FBXO34: variants seen among roughly 807,000 people sequenced by gnomAD.
FBXO34 encodes F-box protein 34, also known as F-box only protein 34.
Under a neutral mutation model 24.5 loss-of-function variants are expected in FBXO34, and 12 were observed. The ratio of observed to expected loss-of-function variants is 0.49; its 90% confidence interval spans 0.31 to 0.79. FBXO34 has a LOEUF of 0.79. Ranked by LOEUF, FBXO34 falls within the 30% of genes least tolerant of loss-of-function variation. The pLI is 0.04. For missense variants in FBXO34, 823 were observed against 857.7 expected, an observed-to-expected ratio of 0.96 and a Z score of 0.51; for synonymous variants, 320 against 311.9, an observed-to-expected ratio of 1.03 and a Z score of -0.27.
intron 1 of FBXO34, among the ~76,000 whole-genome samples, chr14:55,303,128 C>CTTT (rs3084453): frequency 2.0e-5 from 3 of 147,748 alleles, no homozygotes; most frequent in Non-Finnish European, 3.0e-5. Context: ...CTTTACAGGC[C>CTTT]TTTTTTTTTT....
chr14:55,294,442 A>G (rs1882052407), intron 1 of FBXO34, among the ~76,000 whole-genome samples: 1 of 152,078 alleles, frequency 6.6e-6, no homozygotes, highest in South Asian at 2.1e-4. Flanking sequence ...CGCACACCAC[A>G]GGGTTTTGCC....
chr14:55,442,018 C>G, the FBXO34 span, among the ~76,000 whole-genome samples: 4 of 151,820 alleles, frequency 2.6e-5, no homozygotes, highest in Non-Finnish European at 4.4e-5. Flanking sequence ...CTGCCTTGGC[C>G]TCCCAAAGTG....
the FBXO34 span, among the ~76,000 whole-genome samples, chr14:55,390,157 G>C: frequency 3.1e-4 from 47 of 152,146 alleles, no homozygotes; most frequent in African/African-American, 1.2e-4. Flanking sequence ...CGCAATCTCC[G>C]CCTCCCAGGT....
chr14:55,350,406 T>C lies in FBXO34; in HGVS notation c.16T>C (p.Tyr6His). Residue 6 changes from tyrosine (Y) to histidine (H), a missense_variant, in exon 2 of 2, where the codon TAT becomes CAT. Physicochemically the swap from Tyr to His is moderately conservative, Grantham distance 83 (BLOSUM62 2). Transcript: ENST00000313833. MHLKPYWKLQKKEHPP... is the reference protein window; with the variant it reads MHLKPHWKLQKKEHPP... Reference sequence around the variant, plus strand: ...GGGCTTTGTTATGCACCTAAAGCCATATTGGAAGCTCCAGAAGAAAGAGCA... The same window carrying C: ...GGGCTTTGTTATGCACCTAAAGCCACATTGGAAGCTCCAGAAGAAAGAGCA... 1 of 1,583,322 alleles carries C rather than the reference T, an allele frequency of 6.3e-7. No homozygotes were observed. Among genetic ancestry groups the C allele is most frequent in the South Asian group, 1.2e-5 (1 of 86,082 alleles).
the FBXO34 span, chr14:55,414,204 G>A: frequency 7.1e-6 from 4 of 567,264 alleles, no homozygotes; most frequent in Non-Finnish European, 1.2e-5. Context: ...AACACAAAAG[G>A]AGTCATTTTG....
At chr14:55,416,317 C>T in the FBXO34 span, among the ~76,000 whole-genome samples, 3 of 152,084 alleles carry the variant, frequency 2.0e-5, no homozygotes. Context: ...TAAGGGCAGG[C>T]ATGGTGGCTC....
the FBXO34 span, chr14:55,436,651 G>T: frequency 6.2e-7 from 1 of 1,614,208 alleles, no homozygotes; most frequent in Non-Finnish European, 8.5e-7. Context: ...GTCGGAGTTT[G>T]GTTTCTCAGG....
the FBXO34 span, among the ~76,000 whole-genome samples, chr14:55,437,465 G>A: frequency 1.3e-5 from 2 of 152,324 alleles, no homozygotes; most frequent in Non-Finnish European, 2.9e-5. Context: ...GTATCAGAGC[G>A]AGACTCCATC....
chr14:55,419,744 T>G, the FBXO34 span, among the ~76,000 whole-genome samples: 193 of 152,344 alleles, frequency 1.3e-3, 2 homozygotes, highest in African/African-American at 4.4e-3. Context: ...AATGGCATGA[T>G]ACAATGGTTT....
the FBXO34 span, among the ~76,000 whole-genome samples, chr14:55,432,955 C>A: frequency 2.0e-5 from 3 of 152,238 alleles, no homozygotes; most frequent in South Asian, 2.1e-4. Context: ...TTAGAAAGTT[C>A]TATCCATTTA....
the FBXO34 span, among the ~76,000 whole-genome samples, chr14:55,432,442 A>AACAAAAAAAACC: frequency 6.7e-6 from 1 of 149,082 alleles, no homozygotes; most frequent in African/African-American, 2.5e-5. Flanking sequence ...ATAAACAAAC[A>AACAAAAAAAACC]ACAAAAAAAA....
At chr14:55,380,875 A>ATATATATATATATTTT in the FBXO34 span, among the ~76,000 whole-genome samples, 5 of 112,726 alleles carry the variant, frequency 4.4e-5, no homozygotes, top group Admixed American at 9.0e-5. Flanking sequence ...ATATATATAT[A>ATATATATATATATTTT]TTTTTTTTTT....
chr14:55,293,512 T>C (rs960500530), intron 1 of FBXO34, among the ~76,000 whole-genome samples: 1 of 152,138 alleles, frequency 6.6e-6, no homozygotes, highest in Non-Finnish European at 1.5e-5. Flanking sequence ...AAGGGCCTGA[T>C]ATCTATAATC....
chr14:55,338,529 G>A (rs1327085313), intron 1 of FBXO34, among the ~76,000 whole-genome samples: 2 of 152,110 alleles, frequency 1.3e-5, no homozygotes, highest in Non-Finnish European at 1.5e-5. Context: ...TATTAGAGCT[G>A]TTATTATTCT....
intron 1 of FBXO34, among the ~76,000 whole-genome samples, chr14:55,312,072 C>T (rs561814434): frequency 1.1e-4 from 16 of 150,952 alleles, no homozygotes; most frequent in Middle Eastern, 3.2e-3. Flanking sequence ...TGGTGGCATG[C>T]GCTTGTAATC....
At chr14:55,315,785 A>G (rs1882906326) in intron 1 of FBXO34, among the ~76,000 whole-genome samples, 1 of 152,192 alleles carries the variant, frequency 6.6e-6, no homozygotes, top group Non-Finnish European at 1.5e-5. Context: ...AGCATTAGAC[A>G]TTTCACAATA....
In FBXO34 at chr14:55,350,925, C is replaced by G. The variant is rs1884338527; in HGVS notation, c.535C>G (p.Pro179Ala). 1 of 1,613,840 alleles carries G rather than the reference C, an allele frequency of 6.2e-7. No individual in the cohort carries two copies. Among genetic ancestry groups the G allele is most frequent in the African/African-American group, 1.3e-5 (1 of 75,024 alleles). ...TAACAGCAGGTGCTACCAACCTGAG[C>G]CTTTTGCATGTGGCATTGAGCACTG... ...EVNSRCYQPEPFACGIEHCSV... is the reference protein window; with the variant it reads ...EVNSRCYQPEAFACGIEHCSV... Residue 179 changes from proline (P) to alanine (A), a missense_variant, in exon 2 of 2, where the codon CCT becomes GCT. Transcript: ENST00000313833.
chr14:55,337,426 C>T (rs767823421), intron 1 of FBXO34, among the ~76,000 whole-genome samples: 2 of 152,118 alleles, frequency 1.3e-5, no homozygotes, highest in Non-Finnish European at 2.9e-5. Flanking sequence ...ATAGTTGTAC[C>T]AGCCTTACTC....
At chr14:55,430,612 G>A in the FBXO34 span, among the ~76,000 whole-genome samples, 1 of 151,952 alleles carries the variant, frequency 6.6e-6, no homozygotes, top group Non-Finnish European at 1.5e-5. Flanking sequence ...CCCAGGCTGG[G>A]CTCAAACTCC....
Sources: allele counts gnomAD v4.1 joint callset (sites outside exome capture counted in the v4.1 genomes callset), GRCh38; gene constraint gnomAD v4.1.1; transcripts MANE v1.5; gene names NCBI Gene and HGNC (gene_info 2026-07-23, HGNC 2026-07-21).